The following PKIG variants were observed in gnomAD, a reference collection of about 807,000 sequenced individuals.
PKIG encodes protein kinase (cAMP-dependent, catalytic) inhibitor gamma.
In PKIG, 1 loss-of-function variant was observed where a neutral mutation model predicts 6.8. The observed-to-expected ratio is 0.15, with a 90% CI of 0.05 to 0.69. The LOEUF (loss-of-function observed/expected upper bound fraction) is 0.69, where lower values mean the gene tolerates loss of function less well. PKIG is among the 30% of genes least tolerant of loss of function. PKIG has a pLI of 0.82. For synonymous variants in PKIG, 39 were observed against 43.0 expected (o/e 0.91, Z 0.36); for missense variants, 77 against 104.0 (o/e 0.74, Z 1.13).
intron 1 of PKIG, among the ~76,000 whole-genome samples, chr20:44,583,313 C>T (rs1044660513): frequency 5.3e-5 from 8 of 152,188 alleles, no homozygotes; most frequent in Admixed American, 2.6e-4. Flanking sequence ...CTTGGGTTTG[C>T]GATCTTTTTA....
intron 1 of PKIG, among the ~76,000 whole-genome samples, chr20:44,560,142 C>T (rs1358564864): frequency 1.3e-5 from 2 of 151,492 alleles, no homozygotes; most frequent in African/African-American, 4.8e-5. Flanking sequence ...TCCAGCTACT[C>T]AGGAGGCTGA....
intron 1 of PKIG, among the ~76,000 whole-genome samples, chr20:44,537,777 G>A (rs915098842): frequency 2.2e-4 from 33 of 148,720 alleles, no homozygotes; most frequent in Non-Finnish European, 2.5e-4. Context: ...GTAGAGACAG[G>A]GTTTCACCAT....
rs201477707 is a variant in PKIG at position 44,545,501 on chromosome 20, GAAAAGATTGAAGA to G, written c.-241+13528_-241+13540del. 1.4e-3 allele frequency among the ~76,000 whole-genome samples: 208 copies of G among 152,184 alleles called. 3 individuals carry two copies. In the East Asian group the frequency reaches 0.027, roughly 20 times the overall value. ...CAAATTAGGGGTGGAAGAGACCTCT[GAAAAGATTGAAGA>G]AAAAAATTATAAAAATATGGAGATT... On this transcript the variant is annotated intron_variant, in intron 1 of 4. Coordinates refer to the PKIG transcript ENST00000372887.
intron 2 of PKIG, among the ~76,000 whole-genome samples, chr20:44,609,924 C>CT (rs1467860207): frequency 6.6e-6 from 1 of 152,224 alleles, no homozygotes; most frequent in Non-Finnish European, 1.5e-5. Context: ...GCCATGGTAC[C>CT]TTTCCTTATC....
intron 1 of PKIG, among the ~76,000 whole-genome samples, chr20:44,546,683 GCTGGGA>G (rs1295547788): frequency 6.6e-6 from 1 of 151,688 alleles, no homozygotes; most frequent in Non-Finnish European, 1.5e-5. Context: ...CCCCCGGGTA[GCTGGGA>G]CTACAGGCAT....
At chr20:44,610,500 T>TCTCTCTCACACACACACACA (rs1555841182) in intron 2 of PKIG, among the ~76,000 whole-genome samples, 21 of 135,480 alleles carry the variant, frequency 1.6e-4, no homozygotes, top group African/African-American at 6.3e-4. Context: ...TCTCTCTCTC[T>TCTCTCTCACACACACACACA]CACACACACA....
chr20:44,562,009 C>G (rs1600853445), intron 1 of PKIG, among the ~76,000 whole-genome samples: 1 of 152,150 alleles, frequency 6.6e-6, no homozygotes, highest in East Asian at 1.9e-4. Context: ...TAAAGAGAAG[C>G]TAGGCATGGT....
intron 1 of PKIG, among the ~76,000 whole-genome samples, chr20:44,540,122 G>T (rs1269930682): frequency 6.6e-6 from 1 of 151,944 alleles, no homozygotes; most frequent in African/African-American, 2.4e-5. Context: ...CACCACGCCT[G>T]GCTAATTTTC....
intron 2 of PKIG, among the ~76,000 whole-genome samples, chr20:44,610,470 CTCTCTCTCTCTCTCT>C (rs1380668254): frequency 2.1e-5 from 3 of 141,988 alleles, no homozygotes; most frequent in South Asian, 2.2e-4. Flanking sequence ...CTTTCTCTCT[CTCTCTCTCTCTCTCT>C]TCTCTCTCTC....
intron 3 of PKIG, among the ~76,000 whole-genome samples, chr20:44,617,912 CA>C (rs1359772136): frequency 3.4e-5 from 5 of 147,968 alleles, no homozygotes; most frequent in African/African-American, 1.3e-4. Flanking sequence ...AAAAAACAAA[CA>C]AACAGAACAG....
intron 3 of PKIG, among the ~76,000 whole-genome samples, chr20:44,616,184 AGGCATC>A (rs2065262845): frequency 6.6e-6 from 1 of 152,096 alleles, no homozygotes; most frequent in South Asian, 2.1e-4. Flanking sequence ...TTAGAGACCC[AGGCATC>A]TGCTCAGCTG....
At chr20:44,578,254 T>G (rs2064916849), upstream of PKIG, among the ~76,000 whole-genome samples, 1 of 141,758 alleles carries the variant, frequency 7.1e-6, no homozygotes, top group Non-Finnish European at 1.5e-5. Context: ...GGCAGGAGAA[T>G]GGCGTGAACC....
chr20:44,551,244 C>T (rs113416503), intron 1 of PKIG, among the ~76,000 whole-genome samples: 18 of 152,042 alleles, frequency 1.2e-4, no homozygotes, highest in East Asian at 1.9e-4. Context: ...TTAGTAGAGA[C>T]GGGGTTTCAC....
chr20:44,537,028 C>G (rs1354528039), intron 1 of PKIG, among the ~76,000 whole-genome samples: 2 of 152,206 alleles, frequency 1.3e-5, no homozygotes, highest in Non-Finnish European at 2.9e-5. Context: ...CTCCCAGGTT[C>G]AAGCAATTCT....
chr20:44,577,305 GTTTT>G (rs1250761381), intron 1 of PKIG, among the ~76,000 whole-genome samples: 1 of 151,454 alleles, frequency 6.6e-6, no homozygotes, highest in South Asian at 2.1e-4. Flanking sequence ...ATTTTTTTGT[GTTTT>G]TTTTAGTAGA....
intron 1 of PKIG, among the ~76,000 whole-genome samples, chr20:44,563,191 G>A (rs1172554592): frequency 6.6e-6 from 1 of 151,998 alleles, no homozygotes; most frequent in Non-Finnish European, 1.5e-5. Flanking sequence ...AAAGAGATTA[G>A]CAAAACAAAA....
intron 1 of PKIG, among the ~76,000 whole-genome samples, chr20:44,561,615 A>AT (rs1308140187): frequency 1.3e-5 from 2 of 151,756 alleles, no homozygotes; most frequent in African/African-American, 2.4e-5. Context: ...ATTTAAAAAA[A>AT]TTTTTTTTTC....
chr20:44,605,190 G>A (rs890870083), intron 2 of PKIG, among the ~76,000 whole-genome samples: 16 of 151,922 alleles, frequency 1.1e-4, no homozygotes, highest in African/African-American at 3.6e-4. Flanking sequence ...CGGATCACGA[G>A]GCCAGGAGAT....
At position 44,597,260 on chromosome 20, in the gene PKIG, TC is replaced by T. The variant is rs534718291; in HGVS notation, c.-24+7400del. The stretch of plus-strand genomic sequence containing the variant: ...AGAATAATAATAATCCCCCACCAGA[TC>T]CCCCCACCTGGCTTTATTAGAATTA... On this transcript the variant is annotated intron_variant, in intron 2 of 3. Transcript: ENST00000372886. Among the ~76,000 whole-genome samples, 19 of 88,832 alleles carry T rather than the reference TC, an allele frequency of 2.1e-4. No homozygotes were observed. In the South Asian group the frequency reaches 3.2e-3, roughly 15 times the overall value. The allele number at this position is 88,832 out of a possible 152,430, so 58.3% of individuals were successfully genotyped here. A position where few individuals can be genotyped will look rare whatever the true frequency, so the allele number is the denominator to read the frequency against.
Sources: allele counts gnomAD v4.1 joint callset (sites outside exome capture counted in the v4.1 genomes callset), GRCh38; gene constraint gnomAD v4.1.1; transcripts MANE v1.5; gene names NCBI Gene and HGNC (gene_info 2026-07-23, HGNC 2026-07-21).